Variants in CASKIN2 observed in about 807,000 individuals in gnomAD.
CASKIN2 encodes caskin-2.
In CASKIN2, 41 loss-of-function variants were observed where a neutral mutation model predicts 107.1. That is an observed-to-expected ratio of 0.38 (90% CI 0.30 to 0.50). CASKIN2 has a LOEUF of 0.50. Among genes scored for constraint, CASKIN2 ranks in the 20% least tolerant of loss-of-function variants. CASKIN2 has a pLI of 0.92. For missense variants in CASKIN2, 1,546 were observed against 1,657.4 expected (o/e 0.93, Z 1.17); for synonymous variants, 724 against 705.6 (o/e 1.03, Z -0.41).
intron 16 of CASKIN2, 21 bp downstream of exon 16, chr17:75,503,638 C>T (rs959948666): frequency 1.9e-6 from 3 of 1,610,012 alleles, no homozygotes; most frequent in South Asian, 1.1e-5. Context: ...CCCCACTCCC[C>T]AGCCACCCTT....
At chr17:75,507,269 T>C (rs2080562781) in intron 4 of CASKIN2, 140 bp from the exon 5 acceptor site, 2 of 1,031,790 alleles carry the variant, frequency 1.9e-6, no homozygotes, top group South Asian at 1.6e-5. Flanking sequence ...CCAGGTGTGC[T>C]TAGGAAGAGG....
At position 75,502,403 on chromosome 17, in the gene CASKIN2, C is replaced by A. The variant is rs1157173572; in HGVS notation, c.2671G>T (p.Glu891Ter). Reference protein sequence around the residue: ...GPSPEPPPLDESPGPKEGATG... With the variant: ...GPSPEPPPLD Reference sequence around the variant, plus strand: ...GCCCCTTCCTTGGGCCCTGGGCTCTCATCTAGTGGAGGTGGCTCCGGGCTG... The same window carrying A: ...GCCCCTTCCTTGGGCCCTGGGCTCTAATCTAGTGGAGGTGGCTCCGGGCTG... Residue 891 changes from glutamate to a stop codon, truncating the protein, a stop_gained, in exon 18 of 20, where the codon GAG (glutamate) becomes TAG (stop). Coordinates refer to ENST00000321617, the MANE Select transcript of CASKIN2 (RefSeq NM_020753.5). LOFTEE classifies it high-confidence loss of function. This position sits in a 1 kb window ranked among gnomAD's most constrained non-coding sequence, Gnocchi z 4.3. The A allele has an allele frequency of 6.8e-7, 1 of 1,466,042 alleles. No individual in the cohort carries two copies. Among genetic ancestry groups the A allele is most frequent in the African/African-American group, 1.5e-5 (1 of 68,594 alleles). 90.8% of individuals were successfully genotyped at this position (1,466,042 alleles called of 1,614,324 possible).
chr17:75,505,845 G>C lies in CASKIN2; in HGVS notation c.811C>G (p.Arg271Gly), dbSNP rs374893748. The C allele has an allele frequency of 6.2e-7, 1 of 1,613,206 alleles. No homozygotes were observed. Among genetic ancestry groups the C allele is most frequent in the South Asian group, 1.1e-5 (1 of 91,048 alleles). ...VNQFTTSQAS[R>G]EIKQLLREAS... ...CCCCGCAGTAGCTGCTTGATTTCCC[G>C]GCTGGCCTGGGAGGTGGTGAACTGA... Residue 271 changes from arginine (R) to glycine (G), a missense_variant, in exon 9 of 20, where the codon CGG becomes GGG. Arg to Gly is a moderately radical substitution (Grantham distance 125, BLOSUM62 -2). Around this residue, in one of 6 missense-constraint regions of CASKIN2, gnomAD observed 1,311 missense variants for 1,311.0 expected, o/e 1.00. Transcript: ENST00000321617. This position sits in a 1 kb window ranked among gnomAD's most constrained non-coding sequence, Gnocchi z 5.1.
chr17:75,504,654 C>T lies in CASKIN2; in HGVS notation c.1232G>A (p.Gly411Asp), dbSNP rs1279504082. The T allele has an allele frequency of 1.9e-6, 3 of 1,604,848 alleles. No individual in the cohort carries two copies. ...CCCGCTGCCGGCACTGCGGATGCTG[C>T]CCACGCTGCCCTCACTGCCCACACT... ...RNSVGSEGSV[G>D]SIRSAGSGQS... Residue 411 changes from glycine to aspartate, a missense_variant, in exon 12 of 20, where the codon GGC becomes GAC. By Grantham distance (94) the Gly-to-Asp change is moderately conservative. Coordinates refer to ENST00000321617, the MANE Select transcript of CASKIN2 (RefSeq NM_020753.5).
Position 75,503,068 on chromosome 17 carries a change from CCCT to C in CASKIN2, c.2003_2005del (p.Gln668_Gly669delinsArg), listed in dbSNP as rs2053221480. 2 of 1,607,058 alleles carry C rather than the reference CCCT, an allele frequency of 1.2e-6. No homozygotes were observed. Among genetic ancestry groups the C allele is most frequent in the Non-Finnish European group, 1.7e-6 (2 of 1,178,658 alleles). ...CTGTAGCTCTGGGCTTAGTTCGCTG[CCCT>C]GGAAGGTGAGGAGCCGTGGGCCAGC... On this transcript the variant is annotated inframe_deletion, in exon 18 of 20. Transcript: ENST00000321617.
rs59466757 is a variant in CASKIN2 at position 75,500,705 on chromosome 17, C to G, written c.*375G>C. On this transcript the variant is annotated 3_prime_UTR_variant, in exon 20 of 20. Coordinates refer to ENST00000321617, the MANE Select transcript of CASKIN2 (RefSeq NM_020753.5). The stretch of plus-strand genomic sequence containing the variant: ...GATGGTGGGTGGCAAGAGGCATTCC[C>G]TTGGCACAACTTGGGACATGGGCTG... 0.1 allele frequency: 26,640 copies of G among 262,320 alleles called. 2,415 individuals are homozygous for G. Among genetic ancestry groups the G allele is most frequent in the African/African-American group, 0.28 (12,280 of 43,262 alleles). The allele number at this position is 262,320 out of a possible 1,614,324, so 16.2% of individuals were successfully genotyped here. A position where few individuals can be genotyped will look rare whatever the true frequency, so the allele number is the denominator to read the frequency against.
chr17:75,507,056 C>G lies in CASKIN2; in HGVS notation c.318G>C (p.Ala106=). The change falls in exon 5 of 20, where the codon GCG becomes GCC. Residue 106 remains alanine (A), a synonymous_variant. Coordinates refer to ENST00000321617, the MANE Select transcript of CASKIN2 (RefSeq NM_020753.5). ...CGTCCAGCGAGGCGGCATTGACAGC[C>G]GCAGAGGCGCGCAGCAGCAGCCTCA... ...EPVRLLLRAS[A]AVNAASLDGQ... The G allele has an allele frequency of 1.2e-6, 2 of 1,612,318 alleles. No individual in the cohort carries two copies. Among genetic ancestry groups the G allele is most frequent in the East Asian group, 2.2e-5 (1 of 44,862 alleles).
In CASKIN2 at chr17:75,507,111, T is replaced by C; in HGVS notation, c.263A>G (p.Tyr88Cys). The C allele has an allele frequency of 2.5e-6, 4 of 1,609,848 alleles. No homozygotes were observed. The highest frequency in any genetic ancestry group is 3.4e-6 in the Non-Finnish European group (4 of 1,179,016). Residue 88 changes from tyrosine to cysteine, a missense_variant, in exon 5 of 20, where the codon TAC (tyrosine) becomes TGC (cysteine). By Grantham distance (194) the Tyr-to-Cys change is radical. Transcript: ENST00000321617. ...CTCCAGCCGGCCCTGCCAGGCTGCG[T>C]AGTGCAGCGGGCGCATGCCTGGCAG... The part of the protein sequence containing the change: ...KDSNGMRPLH[Y>C]AAWQGRLEPV...
Position 75,502,151 on chromosome 17 carries a change from G to A in CASKIN2, c.2923C>T (p.Pro975Ser), listed in dbSNP as rs2053201741. The A allele has an allele frequency of 6.9e-6, 11 of 1,602,664 alleles. No homozygotes were observed. Among genetic ancestry groups the A allele is most frequent in the Non-Finnish European group, 9.3e-6 (11 of 1,179,684 alleles). ...KPAGPPPRET[P>S]VPPGLDFNLT... ...TTGAAATCGAGGCCGGGGGGCACGGGTGTCTCTCGGGGCGGGGGGCCAGCG... is the reference window on the plus strand; with the variant it reads ...TTGAAATCGAGGCCGGGGGGCACGGATGTCTCTCGGGGCGGGGGGCCAGCG... The change falls in exon 18 of 20, where the codon CCC becomes TCC. Residue 975 changes from proline (P) to serine (S), a missense_variant. Pro to Ser is a moderately conservative substitution (Grantham distance 74). Coordinates refer to ENST00000321617, the MANE Select transcript of CASKIN2 (RefSeq NM_020753.5). The surrounding 1 kb of genome is among the most constrained non-coding windows in gnomAD (Gnocchi z 4.3).
rs751044525 is a variant in CASKIN2, at chr17:75,501,752, G to A, written c.3295+27C>T. The A allele has an allele frequency of 1.8e-5, 28 of 1,529,400 alleles. No individual in the cohort carries two copies. The East Asian group carries it at 6.1e-4, about 33-fold the overall frequency. The allele number at this position is 1,529,400 out of a possible 1,614,324, so 94.7% of individuals were successfully genotyped here. On this transcript the variant is annotated intron_variant, in intron 18 of 19. Coordinates refer to ENST00000321617, the MANE Select transcript of CASKIN2 (RefSeq NM_020753.5). ...GGTCAGACACAACCCTGCCAGCAGT[G>A]ACTCTCCCACAGGCCTCCCCTCTTA... is the stretch of plus-strand genomic sequence containing the variant.
intron 1 of CASKIN2, among the ~76,000 whole-genome samples, chr17:75,514,689 T>C (rs2053341905): frequency 6.6e-6 from 1 of 152,218 alleles, no homozygotes; most frequent in South Asian, 2.1e-4. Context: ...TTCGCTTTAA[T>C]GGCTGGATGC....
Position 75,508,299 on chromosome 17 carries a change from T to C in CASKIN2, c.95-14A>G, listed in dbSNP as rs765312466. Reference sequence around the variant, plus strand: ...AGCCCAGGAGCTCTAGGGGTCAGGATAGGAGGTGTCAGGGCCATCAGATGA... The same window carrying C: ...AGCCCAGGAGCTCTAGGGGTCAGGACAGGAGGTGTCAGGGCCATCAGATGA... On this transcript the variant is annotated splice_polypyrimidine_tract_variant and intron_variant, in intron 2 of 19. Coordinates refer to ENST00000321617, the MANE Select transcript of CASKIN2 (RefSeq NM_020753.5). 17 of 1,612,898 alleles carry C rather than the reference T, an allele frequency of 1.1e-5. No homozygotes were observed. Among genetic ancestry groups the C allele is most frequent in the Non-Finnish European group, 1.4e-5 (16 of 1,179,472 alleles).
Position 75,504,940 on chromosome 17 carries a change from C to G in CASKIN2, c.1064G>C (p.Arg355Pro). The G allele has an allele frequency of 6.2e-7, 1 of 1,609,556 alleles. No homozygotes were observed. The highest frequency in any genetic ancestry group is 1.1e-5 in the South Asian group (1 of 90,862). Residue 355 changes from arginine to proline, a missense_variant, in exon 11 of 20, where the codon CGC becomes CCC. Coordinates refer to ENST00000321617, the MANE Select transcript of CASKIN2 (RefSeq NM_020753.5). ...VSKRVGIPAA[R>P]LPSAPTPLRP... ...CAGGGGGGTGGGTGCGGAGGGGAGG[C>G]GGGCTGCAGGGATGCCCACCCGCTT...
intron 1 of CASKIN2, 39 bp from the exon 2 acceptor site, chr17:75,514,247 C>T (rs1242516240): frequency 6.9e-6 from 3 of 433,566 alleles, no homozygotes; most frequent in Non-Finnish European, 1.2e-5. Context: ...TGCTGGGCCA[C>T]AGCCTGCAAG....
rs1456124881 is a variant in CASKIN2, at chr17:75,502,215, T to C, written c.2859A>G (p.Ala953=). 1.9e-6 allele frequency: 3 copies of C among 1,592,196 alleles called. No homozygotes were observed. The highest frequency in any genetic ancestry group is 2.2e-5 in the East Asian group (1 of 44,624). Residue 953 remains alanine (A), a synonymous_variant, in exon 18 of 20, where the codon GCA becomes GCG. Coordinates refer to ENST00000321617, the MANE Select transcript of CASKIN2 (RefSeq NM_020753.5). The surrounding 1 kb of genome is among the most constrained non-coding windows in gnomAD (Gnocchi z 4.3). ...RGSSGEGLPF[A]EEGNLTIKQR... Reference sequence around the variant, plus strand: ...GTTTGATGGTCAGGTTCCCTTCCTCTGCAAACGGCAGCCCTTCCCCAGAGC... The same window carrying C: ...GTTTGATGGTCAGGTTCCCTTCCTCCGCAAACGGCAGCCCTTCCCCAGAGC...
At position 75,502,157 on chromosome 17, in the gene CASKIN2, C is replaced by T. The variant is rs1474207275; in HGVS notation, c.2917G>A (p.Glu973Lys). 1 of 1,601,796 alleles carries T rather than the reference C, an allele frequency of 6.2e-7. No homozygotes were observed. The highest frequency in any genetic ancestry group is 8.5e-7 in the Non-Finnish European group (1 of 1,179,690). Residue 973 changes from glutamate (E) to lysine (K), a missense_variant, in exon 18 of 20, where the codon GAG (glutamate) becomes AAG (lysine). Glu to Lys is a moderately conservative substitution (Grantham distance 56, BLOSUM62 1). This residue lies in a region of CASKIN2 where 1,311 missense variants were observed against 1,311.0 expected (regional missense o/e 1.00). Transcript: ENST00000321617. This position sits in a 1 kb window ranked among gnomAD's most constrained non-coding sequence, Gnocchi z 4.3. Reference sequence around the variant, plus strand: ...TCGAGGCCGGGGGGCACGGGTGTCTCTCGGGGCGGGGGGCCAGCGGGCTTC... The same window carrying T: ...TCGAGGCCGGGGGGCACGGGTGTCTTTCGGGGCGGGGGGCCAGCGGGCTTC... ...RPKPAGPPPR[E>K]TPVPPGLDFN...
In CASKIN2 at chr17:75,506,588, G is replaced by A. The variant is rs148206929; in HGVS notation, c.612C>T (p.Val204=). ...HLAAKNGHRE[V]IRQLLRAGIE... ...CGAGGGGACCCCAAGGGTACCTGAT[G>A]ACTTCTCTGTGGCCATTCTTGGCAG... Residue 204 remains valine, a synonymous_variant, in exon 7 of 20, where the codon GTC becomes GTT. Transcript: ENST00000321617. This position sits in a 1 kb window ranked among gnomAD's most constrained non-coding sequence, Gnocchi z 4.8. 35 of 1,612,994 alleles carry A rather than the reference G, an allele frequency of 2.2e-5. No homozygotes were observed. In the African/African-American group the frequency reaches 4.0e-4, roughly 18 times the overall value.
At position 75,510,285 on chromosome 17, in the gene CASKIN2, C is replaced by T. The variant is rs535580455; in HGVS notation, c.95-2000G>A. On this transcript the variant is annotated intron_variant, in intron 2 of 19. Coordinates refer to ENST00000321617, the MANE Select transcript of CASKIN2 (RefSeq NM_020753.5). ...AGCCACCTGCTCCCTGAAGAGGACC[C>T]GGGTGGGGGCAGGGAATTGGCCTGA... Among the ~76,000 whole-genome samples the T allele has an allele frequency of 4.5e-4, 69 of 152,292 alleles. 1 individual carries two copies. Among genetic ancestry groups the T allele is most frequent in the African/African-American group, 1.6e-3 (66 of 41,568 alleles).
intron 2 of CASKIN2, among the ~76,000 whole-genome samples, chr17:75,511,059 CTTTT>C (rs149349828): frequency 8.7e-6 from 1 of 115,082 alleles, no homozygotes; most frequent in African/African-American, 3.3e-5. Flanking sequence ...TTTCCCTGTC[CTTTT>C]TTTTTTTTTT....
Sources: allele counts gnomAD v4.1 joint callset (sites outside exome capture counted in the v4.1 genomes callset), GRCh38; gene constraint gnomAD v4.1.1; regional missense constraint gnomAD v4.1.1; non-coding constraint Gnocchi (gnomAD v3.1); transcripts MANE v1.5; gene names NCBI Gene and HGNC (gene_info 2026-07-23, HGNC 2026-07-21).